LARGE2: variants seen among roughly 807,000 people sequenced by gnomAD.
LARGE2 encodes the protein LARGE xylosyl- and glucuronyltransferase 2, also known as xylosyl- and glucuronyltransferase LARGE2.
LARGE2 carries 63 observed loss-of-function variants against 75.3 expected under a neutral mutation model. That is an observed-to-expected ratio of 0.84 (90% CI 0.68 to 1.03). LARGE2 has a LOEUF of 1.03. Ranked by LOEUF, LARGE2 falls within the 50% of genes least tolerant of loss-of-function variation. The probability of loss-of-function intolerance (pLI) is 0.00; values close to 1 mark genes in which losing one functional copy is unlikely to be tolerated. For synonymous variants in LARGE2, 428 were observed against 420.1 expected, an observed-to-expected ratio of 1.02 and a Z score of -0.23; for missense variants, 925 against 980.6, an observed-to-expected ratio of 0.94 and a Z score of 0.76.
chr11:45,923,106 GC>G lies in LARGE2; in HGVS notation c.228del (p.Asp78ThrfsTer39), dbSNP rs1210761210. Reference protein sequence around the residue: ...AAALDGDPGAGPGDHNRSDCG... With the variant: ...AAALDGDPGAXPGDHNRSDCG... ...GCCCTCGACGGAGACCCGGGGGCCG[GC>G]CCCGGGGACCACAACCGCTCCGACT... is the stretch of plus-strand genomic sequence containing the variant. On this transcript the variant is annotated frameshift_variant, in exon 2 of 14. Transcript: ENST00000401752. LOFTEE classifies it high-confidence loss of function. The G allele has an allele frequency of 1.4e-6, 2 of 1,394,366 alleles. No individual in the cohort carries two copies. Among genetic ancestry groups the G allele is most frequent in the Non-Finnish European group, 1.9e-6 (2 of 1,078,910 alleles). 86.4% of individuals were successfully genotyped at this position (1,394,366 alleles called of 1,614,324 possible).
At position 45,923,089 on chromosome 11, in the gene LARGE2, C is replaced by T; in HGVS notation, c.207C>T (p.Asp69=). Reference sequence around the variant, plus strand: ...GGCTGCGGAGAGCCGCCGCCCTCGACGGAGACCCGGGGGCCGGCCCCGGGG... The same window carrying T: ...GGCTGCGGAGAGCCGCCGCCCTCGATGGAGACCCGGGGGCCGGCCCCGGGG... The part of the protein sequence containing the change: ...DGRLRRAAAL[D]GDPGAGPGDH... The change falls in exon 2 of 14, where the codon GAC becomes GAT. Residue 69 remains aspartate, a synonymous_variant. Coordinates refer to ENST00000401752, the MANE Select transcript of LARGE2 (RefSeq NM_001300721.2). The T allele has an allele frequency of 7.1e-7, 1 of 1,409,876 alleles. No individual in the cohort carries two copies. Among genetic ancestry groups the T allele is most frequent in the Non-Finnish European group, 9.2e-7 (1 of 1,084,942 alleles). 87.3% of individuals were successfully genotyped at this position (1,409,876 alleles called of 1,614,324 possible).
Position 45,927,943 on chromosome 11 carries a change from T to C in LARGE2, c.1628T>C (p.Leu543Pro), listed in dbSNP as rs749332642. The C allele has an allele frequency of 3.7e-6, 6 of 1,613,396 alleles. No individual in the cohort carries two copies. Among genetic ancestry groups the C allele is most frequent in the Non-Finnish European group, 5.1e-6 (6 of 1,179,962 alleles). ...AGGGCCTCCATTGAGCAGCTGGGGCTGGGCAGCCGGCGCAAGGCAGCACTG... is the reference window on the plus strand; with the variant it reads ...AGGGCCTCCATTGAGCAGCTGGGGCCGGGCAGCCGGCGCAAGGCAGCACTG... The part of the protein sequence containing the change: ...YLRASIEQLG[L>P]GSRRKAALVV... The change falls in exon 12 of 14, where the codon CTG becomes CCG. Residue 543 changes from leucine (L) to proline (P), a missense_variant. By Grantham distance (98) the Leu-to-Pro change is moderately conservative. Coordinates refer to ENST00000401752, the MANE Select transcript of LARGE2 (RefSeq NM_001300721.2).
chr11:45,922,070 C>A (rs1021792519), upstream of LARGE2, among the ~76,000 whole-genome samples: 3 of 152,080 alleles, frequency 2.0e-5, no homozygotes, highest in African/African-American at 7.2e-5. Flanking sequence ...CAGCCTAGGC[C>A]GCCCGCGTCT....
chr11:45,924,174 A>G lies in LARGE2; in HGVS notation c.389A>G (p.His130Arg), dbSNP rs1391137579. ...AAAAGGAAAAATCCACTGCACCTCCACTTGGTGACTGACGCCGTGGCCAGA... is the reference window on the plus strand; with the variant it reads ...AAAAGGAAAAATCCACTGCACCTCCGCTTGGTGACTGACGCCGTGGCCAGA... ...LFYRKNPLHL[H>R]LVTDAVARNI... The change falls in exon 4 of 14, where the codon CAC (histidine) becomes CGC (arginine). Residue 130 changes from histidine (H) to arginine (R), a missense_variant. By Grantham distance (29) the His-to-Arg change is conservative (BLOSUM62 0). Transcript: ENST00000401752. 1 of 1,611,878 alleles carries G rather than the reference A, an allele frequency of 6.2e-7. No homozygotes were observed.
rs773778661 is a variant in LARGE2 at position 45,927,339 on chromosome 11, C to T, written c.1350C>T (p.Cys450=). The part of the protein sequence containing the change: ...MDRLQMLEAL[C]RHWPGPMSLA... Reference sequence around the variant, plus strand: ...GGCTGCAGATGTTGGAAGCCCTGTGCAGGCACTGGCCTGGCCCCATGAGCC... The same window carrying T: ...GGCTGCAGATGTTGGAAGCCCTGTGTAGGCACTGGCCTGGCCCCATGAGCC... Residue 450 remains cysteine, a synonymous_variant, in exon 11 of 14, where the codon TGC becomes TGT. Coordinates refer to ENST00000401752, the MANE Select transcript of LARGE2 (RefSeq NM_001300721.2). The T allele has an allele frequency of 3.1e-6, 5 of 1,613,536 alleles. No individual in the cohort carries two copies. The Admixed American group carries it at 8.3e-5, about 27-fold the overall frequency.
chr11:45,928,827 G>C lies in LARGE2; in HGVS notation c.2148G>C (p.Gln716His), dbSNP rs753545133. 1.6e-5 allele frequency: 26 copies of C among 1,613,180 alleles called. No homozygotes were observed. The highest frequency in any genetic ancestry group is 1.3e-4 in the East Asian group (6 of 44,896). ...ACCTCCCAGCCCTGCAGCAGCCCCA[G>C]AGCCCTGCCCGAGGCTGAGGCTGGG... ...LKYLPALQQPQSPARG is the reference protein window; with the variant it reads ...LKYLPALQQPHSPARG Residue 716 changes from glutamine to histidine, a missense_variant, in exon 14 of 14, where the codon CAG becomes CAC. Gln to His is a conservative substitution (Grantham distance 24). This residue lies in a region of LARGE2 where 469 missense variants were observed against 503.8 expected (regional missense o/e 0.93). Transcript: ENST00000401752.
At chr11:45,925,388 G>A (rs1294301260) in intron 6 of LARGE2, among the ~76,000 whole-genome samples, 1 of 152,152 alleles carries the variant, frequency 6.6e-6, no homozygotes, top group Non-Finnish European at 1.5e-5. Context: ...AGTCGCAGTG[G>A]CTCACACCTG....
chr11:45,928,332 G>T lies in LARGE2; in HGVS notation c.1910G>T (p.Gly637Val). The T allele has an allele frequency of 6.2e-7, 1 of 1,614,140 alleles. No individual in the cohort carries two copies. The highest frequency in any genetic ancestry group is 1.3e-5 in the African/African-American group (1 of 75,058). The change falls in exon 13 of 14, where the codon GGC (glycine) becomes GTC (valine). Residue 637 changes from glycine (G) to valine (V), a missense_variant. Gly to Val is a moderately radical substitution (Grantham distance 109). Transcript: ENST00000401752. ...PRYDPRFVGF[G>V]WNKVAHIVEL... ...TATGATCCTCGCTTTGTGGGCTTCG[G>T]CTGGAACAAAGTGGCCCACATTGTG... is the stretch of plus-strand genomic sequence containing the variant.
In LARGE2 at chr11:45,924,858, C is replaced by T; in HGVS notation, c.738C>T (p.Pro246=). The T allele has an allele frequency of 1.3e-6, 2 of 1,498,062 alleles. No individual in the cohort carries two copies. Among genetic ancestry groups the T allele is most frequent in the Non-Finnish European group, 1.8e-6 (2 of 1,123,886 alleles). The allele number at this position is 1,498,062 out of a possible 1,614,324, so 92.8% of individuals were successfully genotyped here. The change falls in exon 6 of 14, where the codon CCC becomes CCT. Residue 246 remains proline, a synonymous_variant. Coordinates refer to ENST00000401752, the MANE Select transcript of LARGE2 (RefSeq NM_001300721.2). Reference sequence around the variant, plus strand: ...GCAACCTCTGGAAGAACCACAGGCCCTGGCCTGCCTTGGGCCGGGGATTTA... The same window carrying T: ...GCAACCTCTGGAAGAACCACAGGCCTTGGCCTGCCTTGGGCCGGGGATTTA... ...YLGNLWKNHR[P]WPALGRGFNT...
Position 45,924,586 on chromosome 11 carries a change from TGCTGAGCTGGCCC to T in LARGE2, c.576_588del (p.Glu193SerfsTer62), listed in dbSNP as rs1401081718. ...AGCTGGTGCTGCCCAGTGCCTTGCC[TGCTGAGCTGGCCC>T]GCGTCATTGTCCTGGACACGGATGT... On this transcript the variant is annotated frameshift_variant, in exon 5 of 14. Coordinates refer to ENST00000401752, the MANE Select transcript of LARGE2 (RefSeq NM_001300721.2). LOFTEE classifies it high-confidence loss of function. The T allele has an allele frequency of 6.2e-7, 1 of 1,613,952 alleles. No homozygotes were observed. Among genetic ancestry groups the T allele is most frequent in the Non-Finnish European group, 8.5e-7 (1 of 1,180,014 alleles).
rs756161919 is a variant in LARGE2, at chr11:45,928,227, G to A, written c.1805G>A (p.Arg602Gln). ...GCACCCACAGACTATGCCCGCTGGC[G>A]GGAGGCTCAGGCCCCGTACCGTGTG... is the stretch of plus-strand genomic sequence containing the variant. ...GHAPTDYARW[R>Q]EAQAPYRVQW... The change falls in exon 13 of 14, where the codon CGG (arginine) becomes CAG (glutamine). Residue 602 changes from arginine to glutamine, a missense_variant. Physicochemically the swap from Arg to Gln is conservative, Grantham distance 43. This residue lies in a region of LARGE2 where 469 missense variants were observed against 503.8 expected (regional missense o/e 0.93). Transcript: ENST00000401752. 6.4e-5 allele frequency: 103 copies of A among 1,613,814 alleles called. 1 individual carries two copies. Among genetic ancestry groups the A allele is most frequent in the Non-Finnish European group, 8.2e-5 (97 of 1,180,034 alleles).
Position 45,924,886 on chromosome 11 carries a change from A to G in LARGE2, c.766A>G (p.Thr256Ala), listed in dbSNP as rs1296355918. 2.1e-6 allele frequency: 3 copies of G among 1,462,154 alleles called. No homozygotes were observed. In the African/African-American group the frequency reaches 4.3e-5, roughly 21 times the overall value. The allele number at this position is 1,462,154 out of a possible 1,614,324, so 90.6% of individuals were successfully genotyped here. Residue 256 changes from threonine (T) to alanine (A), a missense_variant, in exon 6 of 14, where the codon ACA (threonine) becomes GCA (alanine). Transcript: ENST00000401752. ...PWPALGRGFNTGVILLRLDRL... is the reference protein window; with the variant it reads ...PWPALGRGFNAGVILLRLDRL... ...GCCTGCCTTGGGCCGGGGATTTAAC[A>G]CAGGTGGGGACAGTGGTGAGGGGAG...
Position 45,923,080 on chromosome 11 carries a change from C to T in LARGE2, c.198C>T (p.Ala66=). The T allele has an allele frequency of 1.4e-6, 2 of 1,412,186 alleles. No homozygotes were observed. Among genetic ancestry groups the T allele is most frequent in the Non-Finnish European group, 9.2e-7 (1 of 1,085,848 alleles). The allele number at this position is 1,412,186 out of a possible 1,614,324, so 87.5% of individuals were successfully genotyped here. A position where few individuals can be genotyped will look rare whatever the true frequency, so the allele number is the denominator to read the frequency against. Residue 66 remains alanine, a synonymous_variant, in exon 2 of 14, where the codon GCC becomes GCT. Coordinates refer to ENST00000401752, the MANE Select transcript of LARGE2 (RefSeq NM_001300721.2). ...VPPDGRLRRA[A]ALDGDPGAGP... The stretch of plus-strand genomic sequence containing the variant: ...CAGACGGGAGGCTGCGGAGAGCCGC[C>T]GCCCTCGACGGAGACCCGGGGGCCG...
At position 45,928,083 on chromosome 11, in the gene LARGE2, C is replaced by T. The variant is rs751374637; in HGVS notation, c.1754+14C>T. 6.2e-7 allele frequency: 1 copy of T among 1,612,960 alleles called. No individual in the cohort carries two copies. Among genetic ancestry groups the T allele is most frequent in the Non-Finnish European group, 8.5e-7 (1 of 1,179,698 alleles). On this transcript the variant is annotated intron_variant, in intron 12 of 13. Transcript: ENST00000401752. ...CTACACCTTCAGGTAGGAGAGGCTA[C>T]TTCTCTGCCCACTCCACTCACTTGC...
At chr11:45,923,210 G>GC in intron 2 of LARGE2, 43 bp downstream of exon 2, 5 of 1,314,190 alleles carry the variant, frequency 3.8e-6, no homozygotes, top group Middle Eastern at 2.9e-4. Flanking sequence ...TGGGGGCGCC[G>GC]CCCCCGAGCC....
intron 5 of LARGE2, 34 bp from the exon 6 acceptor site, chr11:45,924,751 C>CT: frequency 6.6e-7 from 1 of 1,522,720 alleles, no homozygotes; most frequent in Non-Finnish European, 8.8e-7. Flanking sequence ...CCTGTGGCAG[C>CT]TTCAGACAGC....
Position 45,923,531 on chromosome 11 carries a change from T to C in LARGE2, c.344T>C (p.Leu115Pro). 1 of 1,613,922 alleles carries C rather than the reference T, an allele frequency of 6.2e-7. No homozygotes were observed. The stretch of plus-strand genomic sequence containing the variant: ...AACTCCAGCCGAGACGTCATCACCC[T>C]GGTGAAGTCCATGCTCTTCTACAGG... ...GHNSSRDVIT[L>P]VKSMLFYRKN... Residue 115 changes from leucine to proline, a missense_variant, in exon 3 of 14, where the codon CTG becomes CCG. Leu to Pro is a moderately conservative substitution (Grantham distance 98). Transcript: ENST00000401752.
upstream of LARGE2, among the ~76,000 whole-genome samples, chr11:45,921,988 G>C (rs7123821): frequency 1.4e-4 from 22 of 152,138 alleles, no homozygotes; most frequent in African/African-American, 5.1e-4. Flanking sequence ...GGAAAGACGA[G>C]CTCCAGGCCG....
At chr11:45,928,518 G>A (rs926102305) in intron 13 of LARGE2, 112 bp from the exon 14 acceptor site, 2 of 1,532,336 alleles carry the variant, frequency 1.3e-6, no homozygotes, top group Non-Finnish European at 1.8e-6. Flanking sequence ...TCTGCCCTTT[G>A]GCCCTTGCTT....
Sources: allele counts gnomAD v4.1 joint callset (sites outside exome capture counted in the v4.1 genomes callset), GRCh38; gene constraint gnomAD v4.1.1; regional missense constraint gnomAD v4.1.1; transcripts MANE v1.5; gene names NCBI Gene and HGNC (gene_info 2026-07-23, HGNC 2026-07-21).